The following DSC2 variants were observed in gnomAD, a reference collection of about 807,000 sequenced individuals.
DSC2 encodes the protein desmocollin-2.
A neutral mutation model predicts 87.6 loss-of-function variants in DSC2; 51 were observed. That is an observed-to-expected ratio of 0.58 (90% CI 0.46 to 0.74). The LOEUF (loss-of-function observed/expected upper bound fraction) is 0.74, where lower values mean the gene tolerates loss of function less well. Among genes scored for constraint, DSC2 ranks in the 30% least tolerant of loss-of-function variants. The pLI is 0.00. For missense variants in DSC2, 1,066 were observed against 1,089.5 expected, an observed-to-expected ratio of 0.98 and a Z score of 0.30; for synonymous variants, 383 against 393.2, an observed-to-expected ratio of 0.97 and a Z score of 0.31.
At chr18:31,097,068 G>A (rs1987782625) in intron 1 of DSC2, among the ~76,000 whole-genome samples, 1 of 151,894 alleles carries the variant, frequency 6.6e-6, no homozygotes, top group Non-Finnish European at 1.5e-5. Flanking sequence ...AGATCACGAG[G>A]TCAGGAGATA....
At chr18:31,091,970 G>A (rs1987614273) in intron 3 of DSC2, 131 bp downstream of exon 3, 2 of 861,508 alleles carry the variant, frequency 2.3e-6, no homozygotes, top group South Asian at 3.5e-5. Flanking sequence ...ACACTGTGAA[G>A]TTGCCTCATG....
Position 31,065,033 on chromosome 18 carries a change from G to C in DSC2, c.*2982C>G, listed in dbSNP as rs574887211. On this transcript the variant is annotated 3_prime_UTR_variant, in exon 16 of 16. Transcript: ENST00000280904. ...CTTTTCATTTGCTGAAGAAGCACCA[G>C]CCATTTCTTCGGGAAACTCTTTATG... 1 of 152,334 alleles carries C rather than the reference G, an allele frequency of 6.6e-6. No homozygotes were observed. The highest frequency in any genetic ancestry group is 1.9e-4 in the East Asian group (1 of 5,186). The allele number at this position is 152,334 out of a possible 1,614,324, so 9.4% of individuals were successfully genotyped here.
At chr18:31,101,859 G>A in intron 1 of DSC2, 44 bp downstream of exon 1, 1 of 1,522,246 alleles carries the variant, frequency 6.6e-7, no homozygotes, top group Non-Finnish European at 8.8e-7. Context: ...TGCACCCTAG[G>A]CGATCGCCCC....
intron 4 of DSC2, among the ~76,000 whole-genome samples, chr18:31,089,879 C>T (rs1366000979): frequency 6.6e-6 from 1 of 152,136 alleles, no homozygotes; most frequent in African/African-American, 2.4e-5. Flanking sequence ...TAAGACTCTT[C>T]CTGTCTTAGA....
chr18:31,089,733 C>A, intron 4 of DSC2, 139 bp from the exon 5 acceptor site: 1 of 845,938 alleles, frequency 1.2e-6, no homozygotes, highest in Non-Finnish European at 1.8e-6. Flanking sequence ...ATTAAAACAG[C>A]AATAGAATAA....
chr18:31,092,086 T>C lies in DSC2; in HGVS notation c.354+15A>G, dbSNP rs1303672773. ...AGAAAAGATATCATTTCTTCATTTA[T>C]GTAGCCTTGTATACCTTTGTTTGAT... On this transcript the variant is annotated intron_variant, in intron 3 of 15. Transcript: ENST00000280904. 10 of 1,601,664 alleles carry C rather than the reference T, an allele frequency of 6.2e-6. No homozygotes were observed. Among genetic ancestry groups the C allele is most frequent in the African/African-American group, 1.3e-5 (1 of 74,574 alleles).
rs998535177 is a variant in DSC2, at chr18:31,069,098, A to G, written c.2304T>C (p.Val768=). 1 of 1,614,116 alleles carries G rather than the reference A, an allele frequency of 6.2e-7. No individual in the cohort carries two copies. The highest frequency in any genetic ancestry group is 8.5e-7 in the Non-Finnish European group (1 of 1,180,006). Reference sequence around the variant, plus strand: ...TGATTCCTGATCCCACGGTGCCACAAACTCCCTGAGCAGAAGCGCCCACAG... The same window carrying G: ...TGATTCCTGATCCCACGGTGCCACAGACTCCCTGAGCAGAAGCGCCCACAG... ...TQTVGASAQG[V]CGTVGSGIKN... Residue 768 remains valine, a synonymous_variant, in exon 15 of 16, where the codon GTT becomes GTC. Coordinates refer to ENST00000280904, the MANE Select transcript of DSC2 (RefSeq NM_024422.6).
chr18:31,101,808 TCCCGCC>T, intron 1 of DSC2, 89 bp downstream of exon 1: 2 of 1,323,886 alleles, frequency 1.5e-6, no homozygotes, highest in Non-Finnish European at 2.0e-6. Context: ...CCCCAGCTTT[TCCCGCC>T]ACCCCCACCT....
At chr18:31,078,556 T>C (rs988227331) in intron 11 of DSC2, among the ~76,000 whole-genome samples, 1 of 152,112 alleles carries the variant, frequency 6.6e-6, no homozygotes, top group South Asian at 2.1e-4. Flanking sequence ...TTGAGTTTCA[T>C]GTTTTTTTTT....
At chr18:31,069,241 T>C in intron 14 of DSC2, 90 bp from the exon 15 acceptor site, 2 of 1,517,240 alleles carry the variant, frequency 1.3e-6, no homozygotes, top group South Asian at 1.2e-5. Flanking sequence ...ATGCCTTTTT[T>C]TGTGTGTATG....
Position 31,091,092 on chromosome 18 carries a change from C to T in DSC2, c.410G>A (p.Trp137Ter), listed in dbSNP as rs1174739423. The change falls in exon 4 of 16, where the codon TGG (tryptophan) becomes TAG (stop). Residue 137 changes from tryptophan (W) to a stop codon, truncating the protein, a stop_gained. Coordinates refer to ENST00000280904, the MANE Select transcript of DSC2 (RefSeq NM_024422.6). LOFTEE classifies it high-confidence loss of function. Reference protein sequence around the residue: ...EKVLRRAKRRWAPIPCSMLEN... With the variant: ...EKVLRRAKRR ...TAGCATCGAACAAGGAATTGGAGCC[C>T]ATCTTCTCTTGGCGCGCCTTAGAAC... is the stretch of plus-strand genomic sequence containing the variant. 2 of 1,613,912 alleles carry T rather than the reference C, an allele frequency of 1.2e-6. No individual in the cohort carries two copies. The highest frequency in any genetic ancestry group is 2.2e-5 in the East Asian group (1 of 44,878).
At chr18:31,098,815 C>T (rs777357316) in intron 1 of DSC2, among the ~76,000 whole-genome samples, 1 of 152,148 alleles carries the variant, frequency 6.6e-6, no homozygotes, top group African/African-American at 2.4e-5. Flanking sequence ...GATACACCTG[C>T]CCACATATGA....
chr18:31,069,452 T>C (rs961181095), intron 14 of DSC2, among the ~76,000 whole-genome samples: 6 of 152,084 alleles, frequency 3.9e-5, no homozygotes, highest in Non-Finnish European at 5.9e-5. Flanking sequence ...TGGTGGCTCA[T>C]GTCTATAATC....
chr18:31,079,751 G>T, intron 11 of DSC2, 96 bp downstream of exon 11: 1 of 1,382,702 alleles, frequency 7.2e-7, no homozygotes, highest in Non-Finnish European at 1.0e-6. Flanking sequence ...AAAACAGAGT[G>T]CATGTATCCA....
chr18:31,092,130 T>C lies in DSC2; in HGVS notation c.325A>G (p.Ile109Val). The change falls in exon 3 of 16, where the codon ATA (isoleucine) becomes GTA (valine). Residue 109 changes from isoleucine to valine, a missense_variant. By Grantham distance (29) the Ile-to-Val change is conservative. Transcript: ENST00000280904. ...SNTENQEKKK[I>V]FVFLEHQTKV... ...GTTTGATGCTCCAAAAAGACAAATA[T>C]TTTCTTCTTTTCTTGGTTCTCAGTG... The C allele has an allele frequency of 2.5e-6, 4 of 1,613,130 alleles. No homozygotes were observed. Among genetic ancestry groups the C allele is most frequent in the Middle Eastern group, 1.7e-4 (1 of 5,954 alleles).
rs1598570377 is a variant in DSC2 at position 31,068,969 on chromosome 18, T to A, written c.2433A>T (p.Gly811=). The change falls in exon 15 of 16, where the codon GGA becomes GGT. Residue 811 remains glycine, a synonymous_variant. Transcript: ENST00000280904. ...GHHHTLDSCR[G]GHTEVDNCRY... ...TGCAGTTGTCCACCTCCGTGTGTCC[T>A]CCCCTGCAGGAGTCCAGGGTGTGAT... is the stretch of plus-strand genomic sequence containing the variant. The A allele has an allele frequency of 6.2e-7, 1 of 1,614,028 alleles. No individual in the cohort carries two copies. Among genetic ancestry groups the A allele is most frequent in the East Asian group, 2.2e-5 (1 of 44,848 alleles).
intron 1 of DSC2, among the ~76,000 whole-genome samples, chr18:31,099,136 G>A (rs1341486453): frequency 1.3e-5 from 2 of 152,166 alleles, no homozygotes; most frequent in Non-Finnish European, 2.9e-5. Flanking sequence ...GTTCAATGAA[G>A]ACATCTGAAC....
chr18:31,073,943 A>G (rs1462417257), intron 12 of DSC2, among the ~76,000 whole-genome samples: 1 of 152,254 alleles, frequency 6.6e-6, no homozygotes, highest in African/African-American at 2.4e-5. Context: ...CGTGGTGGAC[A>G]CTGTGGTGTA....
At chr18:31,092,972 A>G (rs1567983298) in intron 2 of DSC2, among the ~76,000 whole-genome samples, 2 of 152,150 alleles carry the variant, frequency 1.3e-5, no homozygotes, top group African/African-American at 4.8e-5. Flanking sequence ...ACTTCATATA[A>G]TCATGTTTTC....
Sources: allele counts gnomAD v4.1 joint callset (sites outside exome capture counted in the v4.1 genomes callset), GRCh38; gene constraint gnomAD v4.1.1; transcripts MANE v1.5; gene names NCBI Gene and HGNC (gene_info 2026-07-23, HGNC 2026-07-21).